The following PMFBP1 variants were observed in gnomAD, a reference collection of about 807,000 sequenced individuals.
The protein encoded by PMFBP1 is polyamine modulated factor 1 binding protein 1.
A neutral mutation model predicts 137.8 loss-of-function variants in PMFBP1; 131 were observed. The observed-to-expected ratio is 0.95, with a 90% CI of 0.82 to 1.10. The LOEUF is 1.10. Ranked by LOEUF, PMFBP1 falls within the 50% of genes least tolerant of loss-of-function variation. PMFBP1 has a pLI of 0.00. For missense variants in PMFBP1, 1,199 were observed against 1,175.4 expected (o/e 1.02, Z -0.29); for synonymous variants, 490 against 450.4 (o/e 1.09, Z -1.11).
At chr16:72,147,577 G>A (rs549318559) in intron 5 of PMFBP1, among the ~76,000 whole-genome samples, 14 of 152,256 alleles carry the variant, frequency 9.2e-5, no homozygotes, top group Admixed American at 2.6e-4. Flanking sequence ...TATCAGAGGC[G>A]TGAACAGGCA....
the PMFBP1 span, among the ~76,000 whole-genome samples, chr16:72,213,204 G>C: frequency 3.3e-5 from 5 of 150,812 alleles, no homozygotes; most frequent in South Asian, 4.2e-4. Context: ...GCCCGGGGGG[G>C]GGTGGGGAAA....
chr16:72,120,857 T>C (rs926257245), intron 19 of PMFBP1, among the ~76,000 whole-genome samples: 7 of 152,188 alleles, frequency 4.6e-5, no homozygotes, highest in African/African-American at 1.7e-4. Context: ...GTCCTCTCTT[T>C]CCTCATCCAT....
chr16:72,236,753 C>T, the PMFBP1 span, among the ~76,000 whole-genome samples: 2 of 152,084 alleles, frequency 1.3e-5, no homozygotes, highest in Non-Finnish European at 2.9e-5. Context: ...ATTTCACTGG[C>T]AAAAGAAAGT....
chr16:72,167,287 C>T (rs780360209), intron 2 of PMFBP1, among the ~76,000 whole-genome samples: 2 of 152,078 alleles, frequency 1.3e-5, no homozygotes, highest in African/African-American at 4.8e-5. Context: ...CCATTTAGTA[C>T]CTGGACTTTT....
downstream of PMFBP1, among the ~76,000 whole-genome samples, chr16:72,116,757 T>C (rs2042312633): frequency 2.0e-5 from 3 of 152,206 alleles, no homozygotes; most frequent in Non-Finnish European, 2.9e-5. Flanking sequence ...ACAAAAACTA[T>C]CCTTTCCCCA....
chr16:72,146,070 A>G (rs576918629), intron 5 of PMFBP1, among the ~76,000 whole-genome samples: 1 of 152,220 alleles, frequency 6.6e-6, no homozygotes, highest in Non-Finnish European at 1.5e-5. Flanking sequence ...AGACACAACA[A>G]AAAAAGAGAA....
chr16:72,216,727 A>C, the PMFBP1 span, among the ~76,000 whole-genome samples: 1 of 152,222 alleles, frequency 6.6e-6, no homozygotes, highest in Non-Finnish European at 1.5e-5. Context: ...CTTCCAGCAG[A>C]GCATAAATGA....
Position 72,136,700 on chromosome 16 carries a change from G to C in PMFBP1, c.1038C>G (p.Ile346Met). The change falls in exon 8 of 21, where the codon ATC (isoleucine) becomes ATG (methionine). Residue 346 changes from isoleucine (I) to methionine (M), a missense_variant. By Grantham distance (10) the Ile-to-Met change is conservative. Transcript: ENST00000237353. The stretch of plus-strand genomic sequence containing the variant: ...CCTGCAGCCCCAGTTTACCCTTCAT[G>C]ATGTTTCTCTTCTGTTCCGACACGG... ...LEAVSEQKRN[I>M]MKDMMKLELD... is the part of the protein sequence containing the mutation. The C allele has an allele frequency of 1.2e-6, 2 of 1,614,058 alleles. No homozygotes were observed. The highest frequency in any genetic ancestry group is 1.7e-5 in the Admixed American group (1 of 60,002).
intron 12 of PMFBP1, 132 bp downstream of exon 12, chr16:72,130,081 C>T: frequency 8.1e-7 from 1 of 1,230,524 alleles, no homozygotes; most frequent in Non-Finnish European, 1.1e-6. Context: ...TCTGGAACCC[C>T]TGGGCTCAAG....
chr16:72,158,947 G>A (rs1185743265), intron 3 of PMFBP1, among the ~76,000 whole-genome samples: 1 of 152,130 alleles, frequency 6.6e-6, no homozygotes, highest in South Asian at 2.1e-4. Context: ...GTGAGCTATG[G>A]TCACACCACT....
At chr16:72,128,953 C>T (rs1054193721) in intron 13 of PMFBP1, 113 bp downstream of exon 13, 6 of 1,515,352 alleles carry the variant, frequency 4.0e-6, no homozygotes. Flanking sequence ...CACTGTCCCT[C>T]CCGTCTTTCC....
chr16:72,237,843 T>TAA, the PMFBP1 span, among the ~76,000 whole-genome samples: 2 of 152,188 alleles, frequency 1.3e-5, no homozygotes, highest in African/African-American at 2.4e-5. Flanking sequence ...TTCCCCTCTA[T>TAA]GTGTCCATGT....
At chr16:72,211,772 A>C in the PMFBP1 span, among the ~76,000 whole-genome samples, 1 of 152,148 alleles carries the variant, frequency 6.6e-6, no homozygotes, top group African/African-American at 2.4e-5. Flanking sequence ...AGGTGGTTAG[A>C]CTGCTTGAGC....
In PMFBP1 at chr16:72,122,305, G is replaced by A. The variant is rs147478932; in HGVS notation, c.2768+609C>T. ...TTTTCTAAGTGTTCCCTAAGAAAAG[G>A]TTGGGAAGCGCTGTCCTAAGGCTTG... On this transcript the variant is annotated intron_variant, in intron 19 of 20. Transcript: ENST00000237353. Among the ~76,000 whole-genome samples the A allele has an allele frequency of 1.8e-4, 27 of 152,328 alleles. No homozygotes were observed. The East Asian group carries it at 4.4e-3, about 25-fold the overall frequency.
the PMFBP1 span, among the ~76,000 whole-genome samples, chr16:72,213,202 G>GA: frequency 6.7e-6 from 1 of 149,676 alleles, no homozygotes; most frequent in East Asian, 2.0e-4. Context: ...GAGCCCGGGG[G>GA]GGGGTGGGGA....
the PMFBP1 span, among the ~76,000 whole-genome samples, chr16:72,216,526 C>T: frequency 1.3e-5 from 2 of 152,102 alleles, no homozygotes; most frequent in East Asian, 3.9e-4. Flanking sequence ...AAGGTCTCCT[C>T]TCAAGTTGGC....
upstream of PMFBP1, among the ~76,000 whole-genome samples, chr16:72,173,162 G>A (rs2043236719): frequency 2.0e-5 from 3 of 152,186 alleles, no homozygotes; most frequent in Non-Finnish European, 2.9e-5. Context: ...CTGTAAGCTA[G>A]GAAGCTATAA....
chr16:72,167,905 G>A (rs974975018), intron 2 of PMFBP1, among the ~76,000 whole-genome samples: 3 of 152,214 alleles, frequency 2.0e-5, no homozygotes, highest in Admixed American at 2.0e-4. Flanking sequence ...TAAATTAAAA[G>A]TTAAGTGCTC....
the PMFBP1 span, among the ~76,000 whole-genome samples, chr16:72,209,464 C>G: frequency 6.6e-6 from 1 of 151,590 alleles, no homozygotes; most frequent in East Asian, 1.9e-4. Flanking sequence ...ATATAGATAT[C>G]TGTATATATG....
Sources: gnomAD v4.1 joint callset for allele counts (sites outside exome capture counted in the v4.1 genomes callset) on GRCh38, gnomAD v4.1.1 for gene constraint, MANE v1.5 for transcripts, NCBI Gene and HGNC (gene_info 2026-07-23, HGNC 2026-07-21) for gene names.